Variants in MAPK4 observed in about 807,000 individuals in gnomAD.
The protein encoded by MAPK4 is Erk3-related.
A neutral mutation model predicts 47.7 loss-of-function variants in MAPK4; 22 were observed. The observed-to-expected ratio is 0.46, with a 90% CI of 0.33 to 0.66. The LOEUF is 0.66. MAPK4 is among the 30% of genes least tolerant of loss of function. MAPK4 has a pLI of 0.02. For synonymous variants in MAPK4, 390 were observed against 365.7 expected, an observed-to-expected ratio of 1.07 and a Z score of -0.76; for missense variants, 736 against 831.7, an observed-to-expected ratio of 0.88 and a Z score of 1.42.
intron 1 of MAPK4, among the ~76,000 whole-genome samples, chr18:50,568,733 T>C (rs1315555840): frequency 6.6e-6 from 1 of 152,216 alleles, no homozygotes; most frequent in Admixed American, 6.5e-5. Context: ...CCCTCCCCTG[T>C]GTTTGCCATC....
Position 50,569,780 on chromosome 18 carries a change from G to A in MAPK4, c.-871+9537G>A, listed in dbSNP as rs537688016. Among the ~76,000 whole-genome samples, 28 of 152,340 alleles carry A rather than the reference G, an allele frequency of 1.8e-4. No homozygotes were observed. In the East Asian group the frequency reaches 4.0e-3, roughly 22 times the overall value. On this transcript the variant is annotated intron_variant, in intron 1 of 5. Transcript: ENST00000400384. ...TGGGGTCCTACTCTAAATGTAAAGC[G>A]GTTTACCAGGCCTCAGGGAGGCCCT...
chr18:50,705,706 G>C (rs1910013278), intron 2 of MAPK4: 1 of 152,188 alleles, frequency 6.6e-6, no homozygotes, highest in Non-Finnish European at 1.5e-5. Flanking sequence ...CTGGGGCTCA[G>C]AGACCAACGT....
At chr18:50,619,147 G>T (rs544156519) in intron 1 of MAPK4, among the ~76,000 whole-genome samples, 3 of 152,328 alleles carry the variant, frequency 2.0e-5, no homozygotes, top group African/African-American at 7.2e-5. Flanking sequence ...GTGCCAACCA[G>T]AGATTCCAGG....
At chr18:50,684,352 C>T (rs772827954) in intron 2 of MAPK4, among the ~76,000 whole-genome samples, 6 of 151,938 alleles carry the variant, frequency 3.9e-5, no homozygotes, top group Non-Finnish European at 7.4e-5. Context: ...CGAGACCAGC[C>T]GCAGAAACAT....
rs927336569 is a variant in MAPK4, at chr18:50,678,697, C to T, written c.546+14193C>T. Among the ~76,000 whole-genome samples the T allele has an allele frequency of 1.3e-5, 2 of 152,182 alleles. No individual in the cohort carries two copies. Among genetic ancestry groups the T allele is most frequent in the African/African-American group, 4.8e-5 (2 of 41,434 alleles). ...AAATGAACAGGCCTTGGTCCCACAGCTGCCCCCACACTCTTATTCTTGCTT... is the reference window on the plus strand; with the variant it reads ...AAATGAACAGGCCTTGGTCCCACAGTTGCCCCCACACTCTTATTCTTGCTT... On this transcript the variant is annotated intron_variant, in intron 2 of 5. Transcript: ENST00000400384. The surrounding 1 kb of genome is among the most constrained non-coding windows in gnomAD (Gnocchi z 4.2).
At position 50,663,883 on chromosome 18, in the gene MAPK4, G is replaced by T; in HGVS notation, c.-76G>T. The T allele has an allele frequency of 7.5e-7, 1 of 1,329,780 alleles. No homozygotes were observed. Among genetic ancestry groups the T allele is most frequent in the Non-Finnish European group, 1.0e-6 (1 of 957,462 alleles). The allele number at this position is 1,329,780 out of a possible 1,614,324, so 82.4% of individuals were successfully genotyped here. On this transcript the variant is annotated 5_prime_UTR_variant, in exon 2 of 6. It introduces an in-frame stop codon into an upstream open reading frame of the 5' UTR. Transcript: ENST00000400384. ...ACTTGACAGAATGAGGTGCGCGAGG[G>T]AGGCCGCTAGCCGAGACTTGGCCTT...
chr18:50,717,565 T>G (rs116280633), intron 3 of MAPK4, among the ~76,000 whole-genome samples: 3,360 of 151,090 alleles, frequency 0.022, 128 homozygotes, highest in African/African-American at 0.077. Context: ...TTCCCCCCAC[T>G]AAAGCCCCTG....
At chr18:50,721,872 T>G in intron 3 of MAPK4, 66 bp from the exon 4 acceptor site, 1 of 1,551,830 alleles carries the variant, frequency 6.4e-7, no homozygotes, top group South Asian at 1.1e-5. Context: ...CTGGCACTGC[T>G]TTTGGGCTAC....
intron 2 of MAPK4, among the ~76,000 whole-genome samples, chr18:50,677,567 G>GT (rs201686461): frequency 0.011 from 1,638 of 146,318 alleles, 20 homozygotes; most frequent in Admixed American, 0.031. Flanking sequence ...TTTTTTTGTT[G>GT]TTTTTTTTTT....
chr18:50,615,803 G>A (rs1007942482), intron 1 of MAPK4, among the ~76,000 whole-genome samples: 1 of 152,204 alleles, frequency 6.6e-6, no homozygotes, highest in Non-Finnish European at 1.5e-5. Context: ...AGACAGATAG[G>A]AAAGAGCTTT....
chr18:50,664,323 C>T lies in MAPK4; in HGVS notation c.365C>T (p.Ala122Val), dbSNP rs1907474043. ...CGCCTGCTGGAGCAGGGCACGCTGG[C>T]AGAAGAGCATGCCAAGCTGTTCATG... ...LARLLEQGTL[A>V]EEHAKLFMYQ... is the part of the protein sequence containing the mutation. The change falls in exon 2 of 6, where the codon GCA becomes GTA. Residue 122 changes from alanine (A) to valine (V), a missense_variant. By Grantham distance (64) the Ala-to-Val change is moderately conservative (BLOSUM62 0). Around this residue, in one of 3 missense-constraint regions of MAPK4, gnomAD observed 327 missense variants for 395.4 expected, o/e 0.83. Transcript: ENST00000400384. This position sits in a 1 kb window ranked among gnomAD's most constrained non-coding sequence, Gnocchi z 6.0. 6.2e-7 allele frequency: 1 copy of T among 1,613,676 alleles called. No individual in the cohort carries two copies.
chr18:50,611,760 G>A (rs78455799), intron 1 of MAPK4, among the ~76,000 whole-genome samples: 40 of 152,292 alleles, frequency 2.6e-4, no homozygotes, highest in African/African-American at 7.2e-4. Flanking sequence ...ACCTGCCCAC[G>A]TCAGCAAGAT....
At chr18:50,718,177 G>T (rs1369185739) in intron 3 of MAPK4, among the ~76,000 whole-genome samples, 1 of 152,196 alleles carries the variant, frequency 6.6e-6, no homozygotes, top group South Asian at 2.1e-4. Flanking sequence ...GGGAACACCA[G>T]CAGGACATTA....
Position 50,681,086 on chromosome 18 carries a change from T to C in MAPK4, c.546+16582T>C, listed in dbSNP as rs568953742. 3.9e-5 allele frequency among the ~76,000 whole-genome samples: 6 copies of C among 152,138 alleles called. No individual in the cohort carries two copies. The South Asian group carries it at 1.2e-3, about 32-fold the overall frequency. ...ATCCTCACCAACACTTTTTTTTTTT[T>C]AAATTTTAGCCATCCTAGTGGATGT... On this transcript the variant is annotated intron_variant, in intron 2 of 5. Coordinates refer to ENST00000400384, the MANE Select transcript of MAPK4 (RefSeq NM_002747.4).
chr18:50,653,668 C>T (rs2043076200), intron 1 of MAPK4, among the ~76,000 whole-genome samples: 1 of 152,238 alleles, frequency 6.6e-6, no homozygotes, highest in Non-Finnish European at 1.5e-5. Context: ...TGCAGGGCAC[C>T]TACTGTGCAC....
At chr18:50,580,869 G>A (rs547518256) in intron 1 of MAPK4, among the ~76,000 whole-genome samples, 2 of 152,298 alleles carry the variant, frequency 1.3e-5, no homozygotes, top group African/African-American at 4.8e-5. Flanking sequence ...TTTGCTCCCT[G>A]CTCTGCCTGG....
At chr18:50,708,453 C>T (rs1029070427) in intron 2 of MAPK4, among the ~76,000 whole-genome samples, 1 of 152,198 alleles carries the variant, frequency 6.6e-6, no homozygotes, top group Non-Finnish European at 1.5e-5. Flanking sequence ...ATCATAAAGA[C>T]CATCTAGGAA....
At position 50,729,406 on chromosome 18, in the gene MAPK4, A is replaced by G; in HGVS notation, c.1316A>G (p.Asp439Gly). 1 of 1,559,296 alleles carries G rather than the reference A, an allele frequency of 6.4e-7. No individual in the cohort carries two copies. The highest frequency in any genetic ancestry group is 1.2e-5 in the South Asian group (1 of 85,878). Residue 439 changes from aspartate (D) to glycine (G), a missense_variant, in exon 6 of 6, where the codon GAC (aspartate) becomes GGC (glycine). By Grantham distance (94) the Asp-to-Gly change is moderately conservative. Around this residue, in one of 3 missense-constraint regions of MAPK4, gnomAD observed 377 missense variants for 378.6 expected, o/e 1.00. Coordinates refer to ENST00000400384, the MANE Select transcript of MAPK4 (RefSeq NM_002747.4). ...DYKVGSPSYL[D>G]KLLWRDNKPH... ...AAGGTGGGGTCGCCGTCCTACCTGG[A>G]CAAGCTGCTGTGGCGCGACAACAAG...
intron 1 of MAPK4, among the ~76,000 whole-genome samples, chr18:50,564,944 G>T (rs1464148594): frequency 5.3e-5 from 8 of 152,206 alleles, no homozygotes; most frequent in Admixed American, 5.2e-4. Context: ...GGAGCACATT[G>T]CTAGGACCCC....
Sources: gnomAD v4.1 joint callset for allele counts (sites outside exome capture counted in the v4.1 genomes callset) on GRCh38, gnomAD v4.1.1 for gene constraint, gnomAD v4.1.1 regional missense constraint, Gnocchi (gnomAD v3.1) non-coding constraint, MANE v1.5 for transcripts, NCBI Gene and HGNC (gene_info 2026-07-23, HGNC 2026-07-21) for gene names.